Variants in OPRPN observed in about 807,000 individuals in gnomAD.
OPRPN encodes opiorphin prepropeptide, also known as basic proline-rich lacrimal protein.
Under a neutral mutation model 2.2 loss-of-function variants are expected in OPRPN, and 1 was observed. The ratio of observed to expected loss-of-function variants is 0.45; its 90% confidence interval spans 0.16 to 2.15. The LOEUF (loss-of-function observed/expected upper bound fraction) is 2.15. OPRPN is among the 30% of genes most tolerant of loss of function. The pLI is 0.28. For missense variants in OPRPN, 306 were observed against 297.3 expected (o/e 1.03, Z -0.21); for synonymous variants, 126 against 111.5 (o/e 1.13, Z -0.82).
In OPRPN at chr4:70,409,782, A is replaced by G; in HGVS notation, c.454A>G (p.Thr152Ala). The G allele has an allele frequency of 6.2e-7, 1 of 1,613,704 alleles. No homozygotes were observed. Among genetic ancestry groups the G allele is most frequent in the Non-Finnish European group, 8.5e-7 (1 of 1,179,848 alleles). The change falls in exon 3 of 3, where the codon ACA (threonine) becomes GCA (alanine). Residue 152 changes from threonine (T) to alanine (A), a missense_variant. Coordinates refer to ENST00000399575, the MANE Select transcript of OPRPN (RefSeq NM_021225.5). ...AATAAACATCACCACCGCAGATACAACAATCACCACAAATCCCCCCACCAC... is the reference window on the plus strand; with the variant it reads ...AATAAACATCACCACCGCAGATACAGCAATCACCACAAATCCCCCCACCAC... ...PQINITTADT[T>A]ITTNPPTTAT...
chr4:70,407,714 A>T (rs4446392), intron 2 of OPRPN, among the ~76,000 whole-genome samples: 72,033 of 151,950 alleles, frequency 0.47, 17,519 homozygotes, highest in East Asian at 0.61. Context: ...TATTATAGAC[A>T]GGAAGAATAC....
chr4:70,404,438 T>C (rs1268946982), intron 2 of OPRPN, among the ~76,000 whole-genome samples: 1 of 152,112 alleles, frequency 6.6e-6, no homozygotes, highest in Non-Finnish European at 1.5e-5. Flanking sequence ...AAACTTGAAA[T>C]CATCCTTGAC....
chr4:70,404,175 G>A (rs1733039860), intron 2 of OPRPN, among the ~76,000 whole-genome samples: 1 of 152,112 alleles, frequency 6.6e-6, no homozygotes, highest in Non-Finnish European at 1.5e-5. Context: ...AGGCGTAAGG[G>A]TCAGCTTTCA....
intron 1 of OPRPN, 72 bp downstream of exon 1, chr4:70,398,112 T>C (rs1055493824): frequency 4.0e-5 from 6 of 151,822 alleles, no homozygotes; most frequent in Non-Finnish European, 5.9e-5. Context: ...TTCTCAAGAA[T>C]ATCATCCTCA....
chr4:70,399,386 G>T (rs772182427), intron 2 of OPRPN, 50 bp downstream of exon 2: 3 of 1,470,482 alleles, frequency 2.0e-6, no homozygotes, highest in Admixed American at 3.6e-5. Context: ...TGTTAATCAT[G>T]ATTTCAAAGA....
chr4:70,407,934 C>T (rs772377796), intron 2 of OPRPN, among the ~76,000 whole-genome samples: 3 of 152,042 alleles, frequency 2.0e-5, no homozygotes, highest in African/African-American at 4.8e-5. Flanking sequence ...AATTAGAAGG[C>T]AAGATCATCT....
At chr4:70,399,633 G>T (rs1454235201) in intron 2 of OPRPN, 2 of 214,528 alleles carry the variant, frequency 9.3e-6, no homozygotes, top group East Asian at 1.9e-4. Flanking sequence ...TTTTCAAAAG[G>T]ACTACTATCA....
intron 1 of OPRPN, 131 bp from the exon 2 acceptor site, chr4:70,399,140 A>G: frequency 1.8e-6 from 1 of 540,658 alleles, no homozygotes; most frequent in Non-Finnish European, 3.2e-6. Flanking sequence ...TATCAAACAC[A>G]TCTTTAAAGG....
intron 2 of OPRPN, among the ~76,000 whole-genome samples, chr4:70,401,754 G>A (rs1732988325): frequency 1.3e-5 from 2 of 152,188 alleles, no homozygotes; most frequent in South Asian, 4.1e-4. Flanking sequence ...TGGATAATAG[G>A]CCAAGTGTAA....
intron 2 of OPRPN, among the ~76,000 whole-genome samples, chr4:70,406,646 GGACTACCAA>G (rs1268514074): frequency 1.3e-5 from 2 of 151,960 alleles, no homozygotes; most frequent in African/African-American, 4.8e-5. Flanking sequence ...GAAGGCACAG[GGACTACCAA>G]AAAGAGCTCG....
At chr4:70,398,657 A>G (rs12645521) in intron 1 of OPRPN, among the ~76,000 whole-genome samples, 1 of 151,448 alleles carries the variant, frequency 6.6e-6, no homozygotes, top group Non-Finnish European at 1.5e-5. Context: ...GGATAAAAAC[A>G]TCTTTTTTCT....
In OPRPN at chr4:70,399,330, T is replaced by C; in HGVS notation, c.45T>C (p.Cys15=). The change falls in exon 2 of 3, where the codon TGT becomes TGC. Residue 15 remains cysteine (C), a synonymous_variant. Coordinates refer to ENST00000399575, the MANE Select transcript of OPRPN (RefSeq NM_021225.5). ...TGGGCCTGTTGGCTCTTATTTCATG[T>C]TTCACAGTAAGTTCCCTCAATTCTA... ...FFLGLLALIS[C]FTPSESQRFS... is the part of the protein sequence containing the mutation. 6.3e-7 allele frequency: 1 copy of C among 1,592,792 alleles called. No homozygotes were observed. The highest frequency in any genetic ancestry group is 1.1e-5 in the South Asian group (1 of 90,230).
intron 2 of OPRPN, among the ~76,000 whole-genome samples, chr4:70,407,023 AC>A (rs1487968715): frequency 6.6e-6 from 1 of 151,982 alleles, no homozygotes; most frequent in African/African-American, 2.4e-5. Context: ...TCTCATGGCA[AC>A]CCTGCTTTTC....
chr4:70,406,647 G>T (rs1560533944), intron 2 of OPRPN, among the ~76,000 whole-genome samples: 1 of 152,052 alleles, frequency 6.6e-6, no homozygotes, highest in Non-Finnish European at 1.5e-5. Flanking sequence ...AAGGCACAGG[G>T]ACTACCAAAA....
rs1733160359 is a variant in OPRPN, at chr4:70,409,362, T to C, written c.52-18T>C. ...AATTTAGAAATTTTGTTTTTTACCT[T>C]TGTTTTTATCTCCACAGCCCAGTGA... On this transcript the variant is annotated intron_variant, in intron 2 of 2. Transcript: ENST00000399575. 1.9e-6 allele frequency: 3 copies of C among 1,556,890 alleles called. No individual in the cohort carries two copies. In the East Asian group the frequency reaches 6.8e-5, roughly 35 times the overall value.
At chr4:70,402,819 C>G (rs1733010566) in intron 2 of OPRPN, among the ~76,000 whole-genome samples, 1 of 151,828 alleles carries the variant, frequency 6.6e-6, no homozygotes. Flanking sequence ...GAGTAGGGTA[C>G]ACTTGCCTAG....
chr4:70,402,103 A>T (rs1460984863), intron 2 of OPRPN, among the ~76,000 whole-genome samples: 4 of 152,168 alleles, frequency 2.6e-5, no homozygotes, highest in Admixed American at 6.6e-5. Flanking sequence ...AACGATAAGC[A>T]GATATCAAAT....
intron 2 of OPRPN, among the ~76,000 whole-genome samples, chr4:70,408,071 T>C (rs1458779348): frequency 1.3e-5 from 2 of 152,320 alleles, no homozygotes; most frequent in South Asian, 2.1e-4. Context: ...ACAGACACTA[T>C]AGTTCTCTAG....
At chr4:70,400,556 A>C (rs984546771) in intron 2 of OPRPN, among the ~76,000 whole-genome samples, 5 of 151,914 alleles carry the variant, frequency 3.3e-5, no homozygotes, top group African/African-American at 1.2e-4. Flanking sequence ...TGAGAAAAAA[A>C]GAATAGCTGA....
Sources: allele counts gnomAD v4.1 joint callset (sites outside exome capture counted in the v4.1 genomes callset), GRCh38; gene constraint gnomAD v4.1.1; transcripts MANE v1.5; gene names NCBI Gene and HGNC (gene_info 2026-07-23, HGNC 2026-07-21).